IGSF11: variants seen among roughly 807,000 people sequenced by gnomAD.
The protein encoded by IGSF11 is CXADR like 1.
Under a neutral mutation model 41.0 loss-of-function variants are expected in IGSF11, and 22 were observed. The ratio of observed to expected loss-of-function variants is 0.54; its 90% confidence interval spans 0.38 to 0.77. The LOEUF (loss-of-function observed/expected upper bound fraction) is 0.77, where lower values mean the gene tolerates loss of function less well. Ranked by LOEUF, IGSF11 falls within the 30% of genes least tolerant of loss-of-function variation. The pLI, the probability that IGSF11 is intolerant of heterozygous loss-of-function variation, is 0.00. For missense variants in IGSF11, 444 were observed against 530.8 expected (o/e 0.84, Z 1.61); for synonymous variants, 219 against 201.3 (o/e 1.09, Z -0.74).
At chr3:119,010,183 CCCTGCAGGAA>C in intron 1 of IGSF11, among the ~76,000 whole-genome samples, 1 of 152,140 alleles carries the variant, frequency 6.6e-6, no homozygotes, top group Non-Finnish European at 1.5e-5. Flanking sequence ...TGAGAAGATT[CCCTGCAGGAA>C]CCACAGAGTA....
At chr3:118,927,636 C>T (rs1302945875) in intron 3 of IGSF11, among the ~76,000 whole-genome samples, 2 of 151,986 alleles carry the variant, frequency 1.3e-5, no homozygotes, top group Non-Finnish European at 2.9e-5. Context: ...AAAAAGAAAG[C>T]GGGGGTGGAG....
intron 1 of IGSF11, among the ~76,000 whole-genome samples, chr3:119,113,899 A>C (rs1218491888): frequency 6.6e-6 from 1 of 152,180 alleles, no homozygotes; most frequent in Admixed American, 6.5e-5. Flanking sequence ...CCAAGCCTCA[A>C]CTCTTAGCCT....
intron 1 of IGSF11, among the ~76,000 whole-genome samples, chr3:118,974,384 T>G (rs1191431422): frequency 1.3e-5 from 2 of 152,176 alleles, no homozygotes; most frequent in East Asian, 1.9e-4. Context: ...AAGGCAACGG[T>G]TCAGTATTAG....
chr3:118,902,466 C>CCCAG lies in IGSF11; in HGVS notation c.*53_*54insCTGG. 3.4e-6 allele frequency: 3 copies of CCCAG among 878,268 alleles called. No homozygotes were observed. The highest frequency in any genetic ancestry group is 2.5e-5 in the East Asian group (1 of 39,486). 54.4% of individuals were successfully genotyped at this position (878,268 alleles called of 1,614,324 possible). On this transcript the variant is annotated 3_prime_UTR_variant, in exon 7 of 7. Transcript: ENST00000393775. ...CAGCACTCCCCACCCCACCCTCCCC[C>CCCAG]TTGTATGAGGGCATTCCATTTATTC... is the stretch of plus-strand genomic sequence containing the variant.
intron 1 of IGSF11, among the ~76,000 whole-genome samples, chr3:118,999,567 G>T (rs2107667049): frequency 6.6e-6 from 1 of 152,176 alleles, no homozygotes; most frequent in East Asian, 1.9e-4. Flanking sequence ...GCAAACATAA[G>T]GTTCTTGACA....
chr3:119,090,324 A>G (rs1354595512), intron 1 of IGSF11, among the ~76,000 whole-genome samples: 1 of 152,238 alleles, frequency 6.6e-6, no homozygotes, highest in Non-Finnish European at 1.5e-5. Context: ...CAATTTACAG[A>G]TTTGAAGCTA....
Position 118,924,651 on chromosome 3 carries a change from T to C in IGSF11, c.580+1450A>G, listed in dbSNP as rs150431933. On this transcript the variant is annotated intron_variant, in intron 4 of 6. Coordinates refer to ENST00000393775, the MANE Select transcript of IGSF11 (RefSeq NM_001015887.3). Reference sequence around the variant, plus strand: ...ATGATATCAAGAAATCTGACTGATATACACTCATCCAGAAATAAAGAGGTT... The same window carrying C: ...ATGATATCAAGAAATCTGACTGATACACACTCATCCAGAAATAAAGAGGTT... Among the ~76,000 whole-genome samples the C allele has an allele frequency of 3.9e-5, 6 of 152,254 alleles. No individual in the cohort carries two copies. In the East Asian group the frequency reaches 5.8e-4, roughly 15 times the overall value.
chr3:119,088,873 A>T (rs1039353897), intron 1 of IGSF11, among the ~76,000 whole-genome samples: 5 of 152,220 alleles, frequency 3.3e-5, no homozygotes, highest in African/African-American at 1.2e-4. Flanking sequence ...GGAAGCACAT[A>T]AACTCCCAAG....
Position 118,902,487 on chromosome 3 carries a change from T to C in IGSF11, c.*33A>G, listed in dbSNP as rs1456679400. The C allele has an allele frequency of 8.1e-7, 1 of 1,234,136 alleles. No individual in the cohort carries two copies. Among genetic ancestry groups the C allele is most frequent in the Non-Finnish European group, 1.1e-6 (1 of 876,166 alleles). The allele number at this position is 1,234,136 out of a possible 1,614,324, so 76.4% of individuals were successfully genotyped here. ...CCCCCTTGTATGAGGGCATTCCATT[T>C]ATTCATTTCTGAACACAACATTTCC... On this transcript the variant is annotated 3_prime_UTR_variant, in exon 7 of 7. Transcript: ENST00000393775.
intron 1 of IGSF11, among the ~76,000 whole-genome samples, chr3:119,048,292 G>A (rs900251533): frequency 3.4e-4 from 51 of 151,720 alleles, no homozygotes; most frequent in East Asian, 1.6e-3. Context: ...TCAAATAGAC[G>A]CAATAAAAAA....
At chr3:119,025,001 C>A (rs1314035181) in intron 1 of IGSF11, among the ~76,000 whole-genome samples, 3 of 151,982 alleles carry the variant, frequency 2.0e-5, no homozygotes, top group African/African-American at 7.3e-5. Flanking sequence ...AAGTAAGTAG[C>A]AATCAATTTT....
At chr3:119,093,275 T>G (rs1274313401) in intron 1 of IGSF11, among the ~76,000 whole-genome samples, 3 of 152,204 alleles carry the variant, frequency 2.0e-5, no homozygotes, top group Non-Finnish European at 4.4e-5. Flanking sequence ...CTGTACTTTT[T>G]TGGACACTTC....
At chr3:119,122,264 G>A (rs1052505500) in intron 1 of IGSF11, among the ~76,000 whole-genome samples, 1 of 152,150 alleles carries the variant, frequency 6.6e-6, no homozygotes, top group Non-Finnish European at 1.5e-5. Context: ...CAGCAATTTG[G>A]GGACTTTGCA....
intron 1 of IGSF11, among the ~76,000 whole-genome samples, chr3:119,057,561 A>G (rs1315635128): frequency 1.3e-5 from 2 of 152,216 alleles, no homozygotes; most frequent in Admixed American, 1.3e-4. Context: ...GGTAATTTAT[A>G]GATTCAATGC....
chr3:118,951,047 G>A (rs1049080197), intron 1 of IGSF11, among the ~76,000 whole-genome samples: 5 of 152,158 alleles, frequency 3.3e-5, no homozygotes, highest in African/African-American at 1.2e-4. Flanking sequence ...CTATCCAATA[G>A]AACTTTCTGT....
intron 1 of IGSF11, among the ~76,000 whole-genome samples, chr3:119,126,564 G>T (rs776063467): frequency 3.9e-5 from 6 of 152,196 alleles, no homozygotes; most frequent in Non-Finnish European, 8.8e-5. Context: ...CCACCCAACT[G>T]GGTGAGGCAC....
chr3:119,094,025 G>C (rs1472341299), intron 1 of IGSF11, among the ~76,000 whole-genome samples: 2 of 151,604 alleles, frequency 1.3e-5, no homozygotes, highest in Admixed American at 6.6e-5. Context: ...AGACATTTTC[G>C]TAAAGGTGCA....
intron 1 of IGSF11, among the ~76,000 whole-genome samples, chr3:119,126,290 A>G (rs1576830213): frequency 6.6e-6 from 1 of 152,136 alleles, no homozygotes; most frequent in East Asian, 1.9e-4. Context: ...TCTAACCCTG[A>G]CCCATCCTTC....
rs147237383 is a variant in IGSF11 at position 119,026,173 on chromosome 3, A to G, written c.52+8358T>C. Among the ~76,000 whole-genome samples the G allele has an allele frequency of 2.3e-3, 354 of 152,334 alleles. 3 individuals are homozygous for G. Among genetic ancestry groups the G allele is most frequent in the African/African-American group, 8.2e-3 (342 of 41,574 alleles). ...CTTCATTGAGTTTTTACCCTAGAAT[A>G]TGTTACTTTTAGATGTTTTTAAATT... is the stretch of plus-strand genomic sequence containing the variant. On this transcript the variant is annotated intron_variant, in intron 1 of 6. Transcript: ENST00000393775.
Sources: gnomAD v4.1 joint callset for allele counts (sites outside exome capture counted in the v4.1 genomes callset) on GRCh38, gnomAD v4.1.1 for gene constraint, MANE v1.5 for transcripts, NCBI Gene and HGNC (gene_info 2026-07-23, HGNC 2026-07-21) for gene names.